PACSIN2: variants seen among roughly 807,000 people sequenced by gnomAD.
PACSIN2 encodes the protein protein kinase C and casein kinase substrate in neurons protein 2.
PACSIN2 carries 25 observed loss-of-function variants against 63.8 expected under a neutral mutation model. The observed-to-expected ratio is 0.39, with a 90% CI of 0.29 to 0.55. PACSIN2 has a LOEUF of 0.55. PACSIN2 is among the 20% of genes least tolerant of loss of function. PACSIN2 has a pLI of 0.62. For missense variants in PACSIN2, 518 were observed against 646.9 expected, an observed-to-expected ratio of 0.80 and a Z score of 2.16; for synonymous variants, 255 against 256.2, an observed-to-expected ratio of 1.00 and a Z score of 0.05.
chr22:42,909,615 G>A, intron 2 of PACSIN2: 2 of 470,452 alleles, frequency 4.3e-6, no homozygotes, highest in Non-Finnish European at 8.8e-6. Flanking sequence ...GAGCCCGCCT[G>A]AGCATTTTCA....
chr22:43,010,902 T>A (rs1924446756), intron 1 of PACSIN2, among the ~76,000 whole-genome samples: 1 of 152,226 alleles, frequency 6.6e-6, no homozygotes, highest in African/African-American at 2.4e-5. Context: ...GTGCTTTTCA[T>A]CAAAATGTCA....
rs758438095 is a variant in PACSIN2, at chr22:42,884,529, T to C, written c.642A>G (p.Glu214=). The C allele has an allele frequency of 1.2e-6, 2 of 1,613,992 alleles. No homozygotes were observed. Among genetic ancestry groups the C allele is most frequent in the South Asian group, 2.2e-5 (2 of 91,068 alleles). Residue 214 remains glutamate, a synonymous_variant, in exon 6 of 11, where the codon GAA becomes GAG. Transcript: ENST00000263246. ...TKEKYEKSLK[E]LDQGTPQYME... ...TGTACTGGGGTGTGCCCTGGTCGAG[T>C]TCCTTCAGGGACTTCTCATACTTCT...
At chr22:42,934,158 A>G (rs910242076) in intron 1 of PACSIN2, among the ~76,000 whole-genome samples, 3 of 152,260 alleles carry the variant, frequency 2.0e-5, no homozygotes, top group Non-Finnish European at 4.4e-5. Context: ...ATAACAACTT[A>G]TATGTTTTAG....
chr22:42,971,612 C>T (rs1351774135), intron 1 of PACSIN2, among the ~76,000 whole-genome samples: 1 of 151,848 alleles, frequency 6.6e-6, no homozygotes, highest in Non-Finnish European at 1.5e-5. Context: ...GTGTCTCTGC[C>T]CAACCGCCAC....
At chr22:42,878,165 A>C (rs1315185260) in intron 8 of PACSIN2, among the ~76,000 whole-genome samples, 1 of 152,170 alleles carries the variant, frequency 6.6e-6, no homozygotes, top group Non-Finnish European at 1.5e-5. Flanking sequence ...CAGGGCCCCC[A>C]GGGTCTCCTC....
At chr22:42,944,000 G>A (rs1933293696) in intron 1 of PACSIN2, among the ~76,000 whole-genome samples, 1 of 152,188 alleles carries the variant, frequency 6.6e-6, no homozygotes, top group South Asian at 2.1e-4. Context: ...ACAAACAGAA[G>A]AGGAGATGGC....
chr22:42,921,739 G>GC (rs1203352623), intron 1 of PACSIN2, among the ~76,000 whole-genome samples: 2 of 133,184 alleles, frequency 1.5e-5, no homozygotes, highest in African/African-American at 5.1e-5. Context: ...TCATTTAGAA[G>GC]CTTTTTTTTT....
chr22:42,946,858 G>C (rs1316873182), intron 1 of PACSIN2: 2 of 152,232 alleles, frequency 1.3e-5, no homozygotes, highest in Non-Finnish European at 2.9e-5. Flanking sequence ...GGAGACATGT[G>C]GACCATGTTG....
intron 1 of PACSIN2, among the ~76,000 whole-genome samples, chr22:42,931,954 A>G (rs1932786967): frequency 6.6e-6 from 1 of 152,224 alleles, no homozygotes; most frequent in Non-Finnish European, 1.5e-5. Flanking sequence ...AAGAGAACAG[A>G]AAACCTATCC....
intron 1 of PACSIN2, among the ~76,000 whole-genome samples, chr22:42,987,074 G>A (rs1440624545): frequency 6.6e-6 from 1 of 152,106 alleles, no homozygotes; most frequent in Non-Finnish European, 1.5e-5. Context: ...CACCCTTGAT[G>A]TGTAGTCAAT....
Position 43,010,398 on chromosome 22 carries a change from A to ATATATATATATATATTTTT in PACSIN2, c.-78+4622_-78+4623insAAAAATATATATATATATA. Among the ~76,000 whole-genome samples the ATATATATATATATATTTTT allele has an allele frequency of 8.7e-4, 110 of 126,402 alleles. 1 individual carries two copies. Among genetic ancestry groups the ATATATATATATATATTTTT allele is most frequent in the Middle Eastern group, 8.1e-3 (2 of 248 alleles). 82.9% of individuals were successfully genotyped at this position (126,402 alleles called of 152,430 possible). A position where few individuals can be genotyped will look rare whatever the true frequency, so the allele number is the denominator to read the frequency against. ...TGTTTAAAAATACATATATATATAT[A>ATATATATATATATATTTTT]TTTTTTTTTAATTGAAAATAAAAAA... On this transcript the variant is annotated intron_variant, in intron 1 of 10. Coordinates refer to ENST00000263246, the MANE Select transcript of PACSIN2 (RefSeq NM_001184970.3).
intron 1 of PACSIN2, among the ~76,000 whole-genome samples, chr22:43,011,190 A>G (rs1924467261): frequency 6.6e-6 from 1 of 152,228 alleles, no homozygotes; most frequent in Admixed American, 6.5e-5. Context: ...CCATAAGGAA[A>G]GACTCTACCT....
At chr22:42,996,579 G>C (rs954996199) in intron 1 of PACSIN2, among the ~76,000 whole-genome samples, 2 of 150,176 alleles carry the variant, frequency 1.3e-5, no homozygotes, top group African/African-American at 4.9e-5. Flanking sequence ...GTACACACTT[G>C]TAATTTGGGA....
Position 42,946,495 on chromosome 22 carries a change from C to T in PACSIN2, c.-77-34338G>A, listed in dbSNP as rs1253872345. Among the ~76,000 whole-genome samples the T allele has an allele frequency of 2.6e-5, 4 of 152,184 alleles. No individual in the cohort carries two copies. In the East Asian group the frequency reaches 7.7e-4, roughly 29 times the overall value. ...ACTTGAACCCAGGTGATGGAGGTTG[C>T]AGTGAGATCGCACCACTGCACTCCA... On this transcript the variant is annotated intron_variant, in intron 1 of 10. Transcript: ENST00000263246.
chr22:43,012,040 G>A (rs1475162132), intron 1 of PACSIN2, among the ~76,000 whole-genome samples: 1 of 152,166 alleles, frequency 6.6e-6, no homozygotes, highest in Non-Finnish European at 1.5e-5. Context: ...AGTTACTCAG[G>A]AGGCTGAGGC....
intron 10 of PACSIN2, among the ~76,000 whole-genome samples, chr22:42,872,222 T>C (rs1230122752): frequency 6.6e-6 from 1 of 151,700 alleles, no homozygotes; most frequent in Non-Finnish European, 1.5e-5. Context: ...CAGACTAGGG[T>C]GGTGAGGGGG....
intron 2 of PACSIN2, among the ~76,000 whole-genome samples, chr22:42,896,430 G>C (rs763091611): frequency 2.0e-5 from 3 of 150,968 alleles, no homozygotes; most frequent in Non-Finnish European, 4.4e-5. Flanking sequence ...AGTAGTATTC[G>C]ACTGTGTAGG....
intron 1 of PACSIN2, among the ~76,000 whole-genome samples, chr22:42,939,737 C>T (rs77399661): frequency 2.2e-4 from 34 of 152,328 alleles, no homozygotes; most frequent in African/African-American, 7.9e-4. Context: ...TCACTTCCTG[C>T]CAGCCTGTTT....
intron 1 of PACSIN2, among the ~76,000 whole-genome samples, chr22:42,980,209 GAAAATTAATTA>G (rs1921987115): frequency 1.3e-5 from 2 of 152,072 alleles, no homozygotes; most frequent in Non-Finnish European, 2.9e-5. Context: ...TTGTCATTAA[GAAAATTAATTA>G]AATTAATTAA....
Sources: gnomAD v4.1 joint callset for allele counts (sites outside exome capture counted in the v4.1 genomes callset) on GRCh38, gnomAD v4.1.1 for gene constraint, MANE v1.5 for transcripts, NCBI Gene and HGNC (gene_info 2026-07-23, HGNC 2026-07-21) for gene names.